Variants in ARMH3 observed in about 807,000 individuals in gnomAD.
ARMH3 encodes the protein armadillo-like helical domain-containing protein 3.
ARMH3 carries 60 observed loss-of-function variants against 99.1 expected under a neutral mutation model. The observed-to-expected ratio is 0.61, with a 90% CI of 0.49 to 0.75. ARMH3 has a LOEUF of 0.75. Ranked by LOEUF, ARMH3 falls within the 30% of genes least tolerant of loss-of-function variation. The probability of loss-of-function intolerance (pLI) is 0.00; values close to 1 mark genes in which losing one functional copy is unlikely to be tolerated. For missense variants in ARMH3, 679 were observed against 843.1 expected (o/e 0.81, Z 2.41); for synonymous variants, 285 against 292.8 (o/e 0.97, Z 0.27).
intron 20 of ARMH3, among the ~76,000 whole-genome samples, chr10:101,965,669 T>G (rs1032105248): frequency 7.9e-5 from 12 of 152,194 alleles, no homozygotes; most frequent in Non-Finnish European, 1.8e-4. Context: ...AGTAAAATAT[T>G]TGAGGTATTA....
rs371176687 is a variant in ARMH3 at position 101,921,098 on chromosome 10, TAACAA to T, written c.1781+18760_1781+18764del. ...TCAATATACTTAATGCTACCAAACT[TAACAA>T]ATCATTAGGATGGCAAATTTTATAT... On this transcript the variant is annotated intron_variant, in intron 23 of 25. Coordinates refer to ENST00000370033, the MANE Select transcript of ARMH3 (RefSeq NM_024541.3). Among the ~76,000 whole-genome samples the T allele has an allele frequency of 5.3e-4, 80 of 152,310 alleles. No homozygotes were observed. In the East Asian group the frequency reaches 0.012, roughly 22 times the overall value.
intron 23 of ARMH3, among the ~76,000 whole-genome samples, chr10:101,905,903 T>A (rs1444439223): frequency 6.6e-6 from 1 of 152,228 alleles, no homozygotes; most frequent in Non-Finnish European, 1.5e-5. Flanking sequence ...AACCCCTTTT[T>A]GATTGTCTGT....
chr10:101,875,981 G>A (rs940808632), intron 24 of ARMH3, among the ~76,000 whole-genome samples: 8 of 152,222 alleles, frequency 5.3e-5, no homozygotes, highest in Admixed American at 1.3e-4. Flanking sequence ...TGGCGCAGTG[G>A]TTCACGCCTG....
In ARMH3 at chr10:101,982,895, T is replaced by A. The variant is rs1846295868; in HGVS notation, c.1407-7595A>T. Among the ~76,000 whole-genome samples the A allele has an allele frequency of 1.3e-5, 2 of 152,110 alleles. 1 individual carries two copies. Among genetic ancestry groups the A allele is most frequent in the South Asian group, 4.1e-4 (2 of 4,828 alleles). ...TTCATTATATATTACGATGTAATAA[T>A]AACAAATAAAATACACAATAAATGT... On this transcript the variant is annotated intron_variant, in intron 19 of 25. Coordinates refer to ENST00000370033, the MANE Select transcript of ARMH3 (RefSeq NM_024541.3).
intron 23 of ARMH3, among the ~76,000 whole-genome samples, chr10:101,906,620 CTG>C (rs1313355065): frequency 6.6e-6 from 1 of 152,158 alleles, no homozygotes; most frequent in African/African-American, 2.4e-5. Context: ...TTTAAAGTAA[CTG>C]AGATTTCTAC....
intron 23 of ARMH3, among the ~76,000 whole-genome samples, chr10:101,934,467 A>G (rs921347798): frequency 3.3e-5 from 5 of 152,234 alleles, no homozygotes; most frequent in South Asian, 2.1e-4. Flanking sequence ...GTCACTAATC[A>G]TAACAATATC....
In ARMH3 at chr10:101,966,285, GTTTTTTTTTTT is replaced by G. The variant is rs34196495; in HGVS notation, c.1496-8564_1496-8554del. ...CACACCTGGCTAATTTTTGGTTTGGGTTTTTTTTTTTTTTTTTTTTTTTTTTTTTGAGACAG... is the reference window on the plus strand; with the variant it reads ...CACACCTGGCTAATTTTTGGTTTGGGTTTTTTTTTTTTTTTTTTGAGACAG... On this transcript the variant is annotated intron_variant, in intron 20 of 25. Coordinates refer to ENST00000370033, the MANE Select transcript of ARMH3 (RefSeq NM_024541.3). Among the ~76,000 whole-genome samples the G allele has an allele frequency of 6.2e-5, 5 of 80,626 alleles. 1 individual carries two copies. The highest frequency in any genetic ancestry group is 1.6e-4 in the Admixed American group (1 of 6,330). The allele number at this position is 80,626 out of a possible 152,430, so 52.9% of individuals were successfully genotyped here. A position where few individuals can be genotyped will look rare whatever the true frequency, so the allele number is the denominator to read the frequency against.
rs1218593615 is a variant in ARMH3, at chr10:102,044,125, G to A, written c.-11-4000C>T. Among the ~76,000 whole-genome samples, 3 of 128,030 alleles carry A rather than the reference G, an allele frequency of 2.3e-5. No individual in the cohort carries two copies. In the East Asian group the frequency reaches 6.9e-4, roughly 30 times the overall value. 84.0% of individuals were successfully genotyped at this position (128,030 alleles called of 152,430 possible). ...TTTTTTTTTTTGGAGACGGAGTCTC[G>A]CTCTGTCGCCCAGGCTGGAGTGCAG... On this transcript the variant is annotated intron_variant, in intron 1 of 25. Transcript: ENST00000370033.
At chr10:101,885,185 A>G (rs1428535763) in intron 24 of ARMH3, among the ~76,000 whole-genome samples, 1 of 152,152 alleles carries the variant, frequency 6.6e-6, no homozygotes, top group African/African-American at 2.4e-5. Context: ...AGAAATTGGG[A>G]TGTAAAATGG....
chr10:102,023,472 G>T lies in ARMH3; in HGVS notation c.669+5C>A. On this transcript the variant is annotated splice_donor_5th_base_variant and intron_variant, in intron 8 of 25. Transcript: ENST00000370033. ...TAACAACTGTCCACTAAGGAGCCCA[G>T]TTACCTCATATTTTCTATAGTTCAC... 1 of 1,612,216 alleles carries T rather than the reference G, an allele frequency of 6.2e-7. No individual in the cohort carries two copies. Among genetic ancestry groups the T allele is most frequent in the Non-Finnish European group, 8.5e-7 (1 of 1,178,434 alleles).
intron 6 of ARMH3, among the ~76,000 whole-genome samples, chr10:102,024,624 A>ACC (rs2066959142): frequency 6.6e-6 from 1 of 151,716 alleles, no homozygotes; most frequent in East Asian, 1.9e-4. Flanking sequence ...CAGGCTGGCC[A>ACC]ACATGGCGAA....
At chr10:101,963,006 G>A (rs1203024414) in intron 20 of ARMH3, among the ~76,000 whole-genome samples, 1 of 137,412 alleles carries the variant, frequency 7.3e-6, no homozygotes, top group Non-Finnish European at 1.5e-5. Flanking sequence ...GCTCAACTCT[G>A]TCACCCAGAC....
chr10:101,849,672 C>A, intron 25 of ARMH3, 104 bp downstream of exon 25: 1 of 898,852 alleles, frequency 1.1e-6, no homozygotes, highest in Admixed American at 2.1e-5. Flanking sequence ...CCCAGCAGAC[C>A]CCTCAAGTCT....
intron 16 of ARMH3, 64 bp downstream of exon 16, chr10:101,995,233 G>C: frequency 7.3e-7 from 1 of 1,367,108 alleles, no homozygotes; most frequent in South Asian, 1.2e-5. Context: ...TGGGGTGAGG[G>C]GAGGCAGGGA....
chr10:101,854,161 T>C (rs1236379894), intron 24 of ARMH3, among the ~76,000 whole-genome samples: 1 of 152,114 alleles, frequency 6.6e-6, no homozygotes, highest in Non-Finnish European at 1.5e-5. Context: ...ACTCTTGTTA[T>C]GGGACTTCAG....
intron 23 of ARMH3, among the ~76,000 whole-genome samples, chr10:101,900,179 TCTGTTCTCTAGTGG>T (rs1351407993): frequency 6.6e-6 from 1 of 152,208 alleles, no homozygotes; most frequent in Non-Finnish European, 1.5e-5. Flanking sequence ...ACTACCTTAC[TCTGTTCTCTAGTGG>T]CAGGTCCGAA....
intron 19 of ARMH3, among the ~76,000 whole-genome samples, chr10:101,980,819 T>C (rs898635426): frequency 3.3e-5 from 5 of 152,072 alleles, no homozygotes; most frequent in African/African-American, 4.8e-5. Flanking sequence ...CAAATGCCCA[T>C]CAATGATAGA....
chr10:101,991,908 C>G, intron 18 of ARMH3, 61 bp downstream of exon 18: 1 of 1,454,412 alleles, frequency 6.9e-7, no homozygotes, highest in African/African-American at 1.4e-5. Flanking sequence ...TACTCTTCAT[C>G]TTCATCATGA....
rs111694088 is a variant in ARMH3, at chr10:101,970,490, T to C, written c.1495+4722A>G. On this transcript the variant is annotated intron_variant, in intron 20 of 25. Transcript: ENST00000370033. ...AAAATCTTACATATCCATTCATCCA[T>C]TTATTTGTTCATCCAAATGTTATCT... Among the ~76,000 whole-genome samples, 903 of 152,306 alleles carry C rather than the reference T, an allele frequency of 5.9e-3. 7 individuals are homozygous for C. The highest frequency in any genetic ancestry group is 0.02 in the African/African-American group (829 of 41,552).
Sources: gnomAD v4.1 joint callset for allele counts (sites outside exome capture counted in the v4.1 genomes callset) on GRCh38, gnomAD v4.1.1 for gene constraint, MANE v1.5 for transcripts, NCBI Gene and HGNC (gene_info 2026-07-23, HGNC 2026-07-21) for gene names.